Variants in USP49 observed in about 807,000 individuals in gnomAD.
USP49 encodes ubiquitin specific peptidase 49.
Under a neutral mutation model 58.6 loss-of-function variants are expected in USP49, and 24 were observed. That is an observed-to-expected ratio of 0.41 (90% CI 0.30 to 0.58). USP49 has a LOEUF of 0.58. USP49 is among the 20% of genes least tolerant of loss of function. The probability of loss-of-function intolerance (pLI) is 0.30; values close to 1 mark genes in which losing one functional copy is unlikely to be tolerated. For missense variants in USP49, 703 were observed against 866.1 expected (o/e 0.81, Z 2.36); for synonymous variants, 408 against 365.1 (o/e 1.12, Z -1.34).
chr6:41,876,986 C>T (rs1774513986), intron 2 of USP49, among the ~76,000 whole-genome samples: 1 of 152,164 alleles, frequency 6.6e-6, no homozygotes, highest in South Asian at 2.1e-4. Context: ...ATGTTATCTC[C>T]AGTCCCACTC....
At chr6:41,848,545 T>C (rs1773963751) in intron 3 of USP49, among the ~76,000 whole-genome samples, 1 of 151,786 alleles carries the variant, frequency 6.6e-6, no homozygotes, top group African/African-American at 2.4e-5. Flanking sequence ...TAAAAATATA[T>C]ATATATTTTT....
chr6:41,868,451 C>CT, intron 3 of USP49, among the ~76,000 whole-genome samples: 1 of 152,072 alleles, frequency 6.6e-6, no homozygotes. Context: ...CTTCAGCCTC[C>CT]TGAGTAGCTG....
At chr6:41,810,785 GATCCTGAGGTCAGGT>G (rs929194159) in intron 3 of USP49, among the ~76,000 whole-genome samples, 60 of 151,718 alleles carry the variant, frequency 4.0e-4, no homozygotes, top group African/African-American at 1.4e-3. Flanking sequence ...GACCTCAGGT[GATCCTGAGGTCAGGT>G]GACCCGCCTC....
At chr6:41,881,772 C>T (rs1021713790) in intron 2 of USP49, among the ~76,000 whole-genome samples, 1 of 151,976 alleles carries the variant, frequency 6.6e-6, no homozygotes, top group Non-Finnish European at 1.5e-5. Context: ...TATAGTTTTC[C>T]TTCCTTTTCA....
chr6:41,858,007 C>A (rs1298623720), intron 3 of USP49, among the ~76,000 whole-genome samples: 1 of 152,126 alleles, frequency 6.6e-6, no homozygotes, highest in East Asian at 1.9e-4. Flanking sequence ...ACTGAGGATA[C>A]AGACAAAATG....
rs1772787785 is a variant in USP49, at chr6:41,790,986, G to C, written c.*5547C>G. 6.6e-6 allele frequency: 1 copy of C among 152,152 alleles called. No individual in the cohort carries two copies. The highest frequency in any genetic ancestry group is 1.5e-5 in the Non-Finnish European group (1 of 68,020). 9.4% of individuals were successfully genotyped at this position (152,152 alleles called of 1,614,324 possible). A position where few individuals can be genotyped will look rare whatever the true frequency, so the allele number is the denominator to read the frequency against. On this transcript the variant is annotated 3_prime_UTR_variant, in exon 8 of 8. Coordinates refer to ENST00000682992, the MANE Select transcript of USP49 (RefSeq NM_001286554.2). Reference sequence around the variant, plus strand: ...TAGATGCTAACCCCCATTTAGACCTGCATCAGATCACTTGCTAAGACAAGA... The same window carrying C: ...TAGATGCTAACCCCCATTTAGACCTCCATCAGATCACTTGCTAAGACAAGA...
Position 41,795,670 on chromosome 6 carries a change from C to CA in USP49, c.*862dup, listed in dbSNP as rs1413668159. 1 of 152,214 alleles carries CA rather than the reference C, an allele frequency of 6.6e-6. No individual in the cohort carries two copies. The highest frequency in any genetic ancestry group is 1.5e-5 in the Non-Finnish European group (1 of 68,040). The allele number at this position is 152,214 out of a possible 1,614,324, so 9.4% of individuals were successfully genotyped here. A position where few individuals can be genotyped will look rare whatever the true frequency, so the allele number is the denominator to read the frequency against. On this transcript the variant is annotated 3_prime_UTR_variant, in exon 8 of 8. Transcript: ENST00000682992. ...AGCATCAGCTATCTCTGCCCACCCT[C>CA]AATTGAGTTCTGAGAAAACCTAAGA...
chr6:41,857,177 G>A (rs982460275), intron 3 of USP49, among the ~76,000 whole-genome samples: 1 of 152,116 alleles, frequency 6.6e-6, no homozygotes, highest in African/African-American at 2.4e-5. Context: ...TCTTCAACCA[G>A]TTATTTATCT....
intron 3 of USP49, among the ~76,000 whole-genome samples, chr6:41,836,909 G>A (rs1773738595): frequency 6.6e-6 from 1 of 151,852 alleles, no homozygotes; most frequent in Non-Finnish European, 1.5e-5. Context: ...GCTAATCAGG[G>A]AGGTGAAAGA....
intron 2 of USP49, among the ~76,000 whole-genome samples, chr6:41,890,720 A>G (rs1238753815): frequency 3.3e-5 from 5 of 152,214 alleles, no homozygotes; most frequent in East Asian, 1.9e-4. Flanking sequence ...AAATTGGTAT[A>G]TCACTTAGGC....
At chr6:41,891,236 A>G (rs918738560) in intron 2 of USP49, among the ~76,000 whole-genome samples, 2 of 152,246 alleles carry the variant, frequency 1.3e-5, no homozygotes, top group African/African-American at 4.8e-5. Context: ...GCAAAATGCA[A>G]AGGCTGGAAT....
rs1426064453 is a variant in USP49 at position 41,806,237 on chromosome 6, G to A, written c.747C>T (p.Ala249=). The change falls in exon 4 of 8, where the codon GCC becomes GCT. Residue 249 remains alanine, a synonymous_variant. Transcript: ENST00000682992. The surrounding 1 kb of genome is among the most constrained non-coding windows in gnomAD (Gnocchi z 5.9). ...GGTTGCGCAGGCCCGTGACGCCTGG[G>A]GCCATGGCCGGCTGGCGACGCAGCT... The part of the protein sequence containing the change: ...TLKLRRQPAM[A]PGVTGLRNLG... The A allele has an allele frequency of 2.5e-6, 4 of 1,610,096 alleles. No individual in the cohort carries two copies. The highest frequency in any genetic ancestry group is 3.3e-5 in the Admixed American group (2 of 60,004).
At chr6:41,813,785 T>C (rs1243825498) in intron 3 of USP49, among the ~76,000 whole-genome samples, 2 of 152,136 alleles carry the variant, frequency 1.3e-5, no homozygotes, top group East Asian at 3.8e-4. Flanking sequence ...TGTATGATCA[T>C]GAAATGGAAA....
intron 2 of USP49, among the ~76,000 whole-genome samples, chr6:41,885,511 G>A (rs1259640504): frequency 6.6e-6 from 1 of 152,078 alleles, no homozygotes; most frequent in East Asian, 1.9e-4. Context: ...CTGAGTGTCA[G>A]CGCACAATCA....
intron 3 of USP49, among the ~76,000 whole-genome samples, chr6:41,867,354 T>C (rs1053494385): frequency 6.6e-6 from 1 of 152,198 alleles, no homozygotes; most frequent in Non-Finnish European, 1.5e-5. Context: ...TATCAATCAG[T>C]TCCAAACTGC....
In USP49 at chr6:41,795,981, A is replaced by G. The variant is rs561200279; in HGVS notation, c.*552T>C. 6.6e-6 allele frequency: 1 copy of G among 152,442 alleles called. No homozygotes were observed. The highest frequency in any genetic ancestry group is 2.4e-5 in the African/African-American group (1 of 41,580). 9.4% of individuals were successfully genotyped at this position (152,442 alleles called of 1,614,324 possible). On this transcript the variant is annotated 3_prime_UTR_variant, in exon 8 of 8. Transcript: ENST00000682992. ...CATCTCACTCCACTCTTCAGCTGCTATCCCCAAAAAAGGAAGTTTGTTTTA... is the reference window on the plus strand; with the variant it reads ...CATCTCACTCCACTCTTCAGCTGCTGTCCCCAAAAAAGGAAGTTTGTTTTA...
At chr6:41,864,738 T>G (rs1027812768) in intron 3 of USP49, among the ~76,000 whole-genome samples, 2 of 152,190 alleles carry the variant, frequency 1.3e-5, no homozygotes, top group Non-Finnish European at 2.9e-5. Context: ...AATATTCTAA[T>G]GGCATTCCAG....
chr6:41,867,165 A>G (rs1477008603), intron 3 of USP49, among the ~76,000 whole-genome samples: 1 of 152,202 alleles, frequency 6.6e-6, no homozygotes, highest in East Asian at 1.9e-4. Flanking sequence ...ACCACATACT[A>G]CAATTCCTCC....
chr6:41,802,468 A>AT lies in USP49; in HGVS notation c.1561+1337dup, dbSNP rs1178634996. On this transcript the variant is annotated intron_variant, in intron 5 of 7. Coordinates refer to ENST00000682992, the MANE Select transcript of USP49 (RefSeq NM_001286554.2). ...TATTTATTTATTTATTTATTTATTTATTTTTTATTTATTTTTTTTTTTTGA... is the reference window on the plus strand; with the variant it reads ...TATTTATTTATTTATTTATTTATTTATTTTTTTATTTATTTTTTTTTTTTGA... 4.0e-3 allele frequency among the ~76,000 whole-genome samples: 296 copies of AT among 73,852 alleles called. 4 individuals are homozygous for AT. The highest frequency in any genetic ancestry group is 0.016 in the African/African-American group (285 of 18,252). 48.4% of individuals were successfully genotyped at this position (73,852 alleles called of 152,430 possible).
Sources: gnomAD v4.1 joint callset for allele counts (sites outside exome capture counted in the v4.1 genomes callset) on GRCh38, gnomAD v4.1.1 for gene constraint, Gnocchi (gnomAD v3.1) non-coding constraint, MANE v1.5 for transcripts, NCBI Gene and HGNC (gene_info 2026-07-23, HGNC 2026-07-21) for gene names.